Variants in MGMT observed in about 807,000 individuals in gnomAD.
MGMT encodes methylated-DNA--protein-cysteine methyltransferase.
MGMT carries 14 observed loss-of-function variants against 15.9 expected under a neutral mutation model. The ratio of observed to expected loss-of-function variants is 0.88; its 90% CI spans 0.58 to 1.37. The LOEUF is 1.37. Among genes scored for constraint, MGMT ranks in the 40% most tolerant of loss-of-function variants. MGMT has a pLI of 0.00. For missense variants in MGMT, 282 were observed against 268.1 expected, an observed-to-expected ratio of 1.05 and a Z score of -0.36; for synonymous variants, 130 against 118.2, an observed-to-expected ratio of 1.10 and a Z score of -0.65.
chr10:129,714,635 G>A (rs7080347), intron 3 of MGMT, among the ~76,000 whole-genome samples: 3,539 of 152,214 alleles, frequency 0.023, 125 homozygotes, highest in African/African-American at 0.08. Context: ...GAGAATTATT[G>A]TTCTAAAGGA....
At chr10:129,673,212 G>A (rs1204216957) in intron 2 of MGMT, among the ~76,000 whole-genome samples, 1 of 151,950 alleles carries the variant, frequency 6.6e-6, no homozygotes, top group African/African-American at 2.4e-5. Flanking sequence ...CTGTACGCTG[G>A]CCCAAAATTG....
intron 2 of MGMT, among the ~76,000 whole-genome samples, chr10:129,654,151 G>A (rs1012766929): frequency 6.6e-6 from 1 of 152,200 alleles, no homozygotes; most frequent in African/African-American, 2.4e-5. Context: ...TAGCTGTGCT[G>A]ATAAAGATGC....
intron 3 of MGMT, among the ~76,000 whole-genome samples, chr10:129,736,859 C>A (rs1169624748): frequency 2.0e-5 from 3 of 152,136 alleles, no homozygotes; most frequent in African/African-American, 4.8e-5. Context: ...GTTGAAAATT[C>A]TTTTCTTTAA....
intron 1 of MGMT, among the ~76,000 whole-genome samples, chr10:129,525,203 T>G (rs765545492): frequency 6.6e-6 from 1 of 152,218 alleles, no homozygotes; most frequent in African/African-American, 2.4e-5. Flanking sequence ...AAGCAGTGCA[T>G]GAGCTTCAGA....
intron 2 of MGMT, chr10:129,694,177 C>G (rs1848003321): frequency 6.6e-6 from 1 of 152,282 alleles, no homozygotes; most frequent in Non-Finnish European, 1.5e-5. Context: ...GGCTCCCTGT[C>G]TTTCACCTCT....
intron 2 of MGMT, among the ~76,000 whole-genome samples, chr10:129,574,181 C>T (rs1045006949): frequency 4.6e-5 from 7 of 152,152 alleles, no homozygotes; most frequent in Admixed American, 6.5e-5. Flanking sequence ...ATAGTTTGAG[C>T]CTCACCTACA....
At chr10:129,639,913 T>C (rs1847308364) in intron 2 of MGMT, among the ~76,000 whole-genome samples, 1 of 145,336 alleles carries the variant, frequency 6.9e-6, no homozygotes, top group East Asian at 2.0e-4. Context: ...TGGAAAAATA[T>C]TAATTAAACT....
chr10:129,506,750 GTA>G (rs201961208), intron 1 of MGMT, among the ~76,000 whole-genome samples: 14,555 of 152,114 alleles, frequency 0.096, 749 homozygotes, highest in African/African-American at 0.13. Context: ...CTCTGCCTTT[GTA>G]CACTCTGTTT....
At chr10:129,704,549 G>C (rs947890581) in intron 2 of MGMT, among the ~76,000 whole-genome samples, 4 of 152,108 alleles carry the variant, frequency 2.6e-5, no homozygotes, top group Admixed American at 2.0e-4. Flanking sequence ...TGTCCACGGG[G>C]TCAGCGTAAT....
At chr10:129,544,398 G>C (rs1846077394) in intron 2 of MGMT, among the ~76,000 whole-genome samples, 1 of 152,240 alleles carries the variant, frequency 6.6e-6, no homozygotes, top group Non-Finnish European at 1.5e-5. Flanking sequence ...TCAGACTGCG[G>C]CTTTCACCCT....
At chr10:129,467,358 G>A (rs1845180282) in intron 1 of MGMT, 62 bp downstream of exon 1, 2 of 1,470,916 alleles carry the variant, frequency 1.4e-6, no homozygotes, top group Non-Finnish European at 1.8e-6. Context: ...GACGGTGGCA[G>A]CCTCGAGTGG....
At chr10:129,509,056 G>A (rs1053654594) in intron 1 of MGMT, among the ~76,000 whole-genome samples, 3 of 152,158 alleles carry the variant, frequency 2.0e-5, no homozygotes, top group East Asian at 1.9e-4. Context: ...GCTGGGCTGC[G>A]ACTTTGAGGA....
intron 2 of MGMT, among the ~76,000 whole-genome samples, chr10:129,703,714 C>G (rs189695313): frequency 6.6e-6 from 1 of 152,136 alleles, no homozygotes; most frequent in African/African-American, 2.4e-5. Flanking sequence ...TCCTGCAGCC[C>G]CAGGTGCCAC....
chr10:129,575,895 TACTATA>T (rs1215170110), intron 2 of MGMT, among the ~76,000 whole-genome samples: 1 of 152,092 alleles, frequency 6.6e-6, no homozygotes, highest in African/African-American at 2.4e-5. Flanking sequence ...CATCAGAGAA[TACTATA>T]AACACCTCTA....
At chr10:129,678,685 A>G (rs1486807021) in intron 2 of MGMT, among the ~76,000 whole-genome samples, 1 of 151,694 alleles carries the variant, frequency 6.6e-6, no homozygotes, top group Non-Finnish European at 1.5e-5. Context: ...GGCGAAATCC[A>G]CTCCCTAATG....
At chr10:129,545,962 G>C (rs532247285) in intron 2 of MGMT, among the ~76,000 whole-genome samples, 1 of 152,350 alleles carries the variant, frequency 6.6e-6, no homozygotes, top group African/African-American at 2.4e-5. Flanking sequence ...AAGGTTAAAT[G>C]AGTTTAATTT....
intron 3 of MGMT, among the ~76,000 whole-genome samples, chr10:129,740,370 C>A (rs947777976): frequency 6.6e-6 from 1 of 152,056 alleles, no homozygotes; most frequent in African/African-American, 2.4e-5. Flanking sequence ...TGGGAAGAGG[C>A]CCCCAGGAAA....
In MGMT at chr10:129,695,495, GGA is replaced by G. The variant is rs1333113194; in HGVS notation, c.126-12399_126-12398del. Among the ~76,000 whole-genome samples the G allele has an allele frequency of 2.0e-5, 3 of 152,094 alleles. No individual in the cohort carries two copies. In the East Asian group the frequency reaches 5.8e-4, roughly 29 times the overall value. ...AATCCTCATATAATCCATGCCTTTT[GGA>G]AAGAAAAGTATTGTCTTCAGAACAT... On this transcript the variant is annotated intron_variant, in intron 2 of 4. Coordinates refer to ENST00000651593, the MANE Select transcript of MGMT (RefSeq NM_002412.5).
intron 2 of MGMT, among the ~76,000 whole-genome samples, chr10:129,579,949 C>T (rs919018247): frequency 3.3e-5 from 5 of 152,180 alleles, no homozygotes; most frequent in South Asian, 2.1e-4. Flanking sequence ...CAGGCCTGCC[C>T]GTGAGAGGTG....
Sources: gnomAD v4.1 joint callset for allele counts (sites outside exome capture counted in the v4.1 genomes callset) on GRCh38, gnomAD v4.1.1 for gene constraint, MANE v1.5 for transcripts, NCBI Gene and HGNC (gene_info 2026-07-23, HGNC 2026-07-21) for gene names.